ACSF3: variants seen among roughly 807,000 people sequenced by gnomAD.
The protein encoded by ACSF3 is malonate--CoA ligase ACSF3, mitochondrial.
A neutral mutation model predicts 53.2 loss-of-function variants in ACSF3; 78 were observed. The ratio of observed to expected loss-of-function variants is 1.47; its 90% CI spans 1.22 to 1.77. ACSF3 has a LOEUF of 1.77. ACSF3 is among the 40% of genes most tolerant of loss of function. The probability of loss-of-function intolerance (pLI) is 0.00; values close to 1 mark genes in which losing one functional copy is unlikely to be tolerated. For missense variants in ACSF3, 937 were observed against 771.1 expected, an observed-to-expected ratio of 1.22 and a Z score of -2.55; for synonymous variants, 414 against 333.1, an observed-to-expected ratio of 1.24 and a Z score of -2.65.
At chr16:89,149,507 T>C (rs1913716345) in intron 10 of ACSF3, 1 of 150,456 alleles carries the variant, frequency 6.6e-6, no homozygotes. Context: ...ATGCTTGGCT[T>C]ATGCACTGGC....
intron 8 of ACSF3, among the ~76,000 whole-genome samples, chr16:89,133,944 C>T: frequency 6.6e-6 from 1 of 152,198 alleles, no homozygotes; most frequent in Non-Finnish European, 1.5e-5. Flanking sequence ...CCTGCTCTCC[C>T]TGAGCCTGCC....
chr16:89,134,074 G>T (rs374242375), intron 8 of ACSF3, among the ~76,000 whole-genome samples: 2 of 152,236 alleles, frequency 1.3e-5, no homozygotes, highest in African/African-American at 4.8e-5. Flanking sequence ...GATAGTGGAC[G>T]TATATGGATG....
intron 7 of ACSF3, among the ~76,000 whole-genome samples, chr16:89,126,521 G>C (rs548790761): frequency 2.0e-5 from 3 of 152,092 alleles, no homozygotes; most frequent in African/African-American, 7.2e-5. Context: ...TGCCCGCCTC[G>C]GCCTCCCAAG....
At chr16:89,142,556 C>G (rs144040443) in intron 8 of ACSF3, among the ~76,000 whole-genome samples, 3,305 of 150,956 alleles carry the variant, frequency 0.022, 90 homozygotes, top group East Asian at 0.12. Context: ...TGCAGACACA[C>G]CCACACCTGC....
In ACSF3 at chr16:89,133,293, A is replaced by AC. The variant is rs771104684; in HGVS notation, c.1366+35dup. The AC allele has an allele frequency of 2.5e-6, 4 of 1,613,396 alleles. No homozygotes were observed. In the South Asian group the frequency reaches 3.3e-5, roughly 13 times the overall value. Reference sequence around the variant, plus strand: ...ACCCAGCCCCATGGGAGTGGAGGAGACCCCGAGGGGACAGGCAGGAACTCA... The same window carrying AC: ...ACCCAGCCCCATGGGAGTGGAGGAGACCCCCGAGGGGACAGGCAGGAACTCA... On this transcript the variant is annotated intron_variant, in intron 8 of 10. Transcript: ENST00000614302.
At chr16:89,108,866 C>G (rs910320077) in intron 4 of ACSF3, among the ~76,000 whole-genome samples, 16 of 152,156 alleles carry the variant, frequency 1.1e-4, no homozygotes, top group Non-Finnish European at 1.8e-4. Flanking sequence ...TGTAGACATT[C>G]ATTCATCTTA....
In ACSF3 at chr16:89,120,940, G is replaced by T. The variant is rs373120300; in HGVS notation, c.1239+27G>T. ...TAAGCCACTCTGCTCTTGGCAGGTG[G>T]GCGGCCGTGTGTCCAGTCTAGGCCC... On this transcript the variant is annotated intron_variant, in intron 7 of 10. Transcript: ENST00000614302. 6.2e-6 allele frequency: 10 copies of T among 1,604,942 alleles called. No homozygotes were observed. The African/African-American group carries it at 1.2e-4, about 19-fold the overall frequency.
chr16:89,100,616 G>A, intron 2 of ACSF3, 46 bp from the exon 3 acceptor site: 1 of 1,541,252 alleles, frequency 6.5e-7, no homozygotes, highest in South Asian at 1.1e-5. Flanking sequence ...GCCACGTTTG[G>A]ATGGGACAGT....
chr16:89,094,224 A>G (rs1974343541), intron 1 of ACSF3, among the ~76,000 whole-genome samples: 2 of 151,524 alleles, frequency 1.3e-5, no homozygotes. Flanking sequence ...CGGGGAGAGA[A>G]GCTGTGCGGA....
chr16:89,096,021 C>T (rs1974576395), intron 1 of ACSF3, among the ~76,000 whole-genome samples: 5 of 152,162 alleles, frequency 3.3e-5, no homozygotes, highest in Admixed American at 2.0e-4. Flanking sequence ...GTGGTCTGAT[C>T]TCAGAACCTG....
chr16:89,107,564 G>A (rs951714899), intron 4 of ACSF3, among the ~76,000 whole-genome samples: 4 of 152,208 alleles, frequency 2.6e-5, no homozygotes, highest in African/African-American at 9.6e-5. Context: ...TTCTTTTTAC[G>A]TTGCTGTGTT....
Position 89,114,333 on chromosome 16 carries a change from G to A in ACSF3, c.978-6G>A, listed in dbSNP as rs377217672. Reference sequence around the variant, plus strand: ...GGCTAAACCTGCCTTTGGTTGTGCCGCGTAGGCTGATGGTCTCAGGCTCAG... The same window carrying A: ...GGCTAAACCTGCCTTTGGTTGTGCCACGTAGGCTGATGGTCTCAGGCTCAG... On this transcript the variant is annotated splice_region_variant and splice_polypyrimidine_tract_variant and intron_variant, in intron 5 of 10. Coordinates refer to ENST00000614302, the MANE Select transcript of ACSF3 (RefSeq NM_001243279.3). 94 of 1,613,914 alleles carry A rather than the reference G, an allele frequency of 5.8e-5. No homozygotes were observed. In the African/African-American group the frequency reaches 9.3e-4, roughly 16 times the overall value.
chr16:89,105,326 T>C (rs1474073096), intron 4 of ACSF3, among the ~76,000 whole-genome samples: 1 of 152,058 alleles, frequency 6.6e-6, no homozygotes, highest in Non-Finnish European at 1.5e-5. Flanking sequence ...GGGATCTGGC[T>C]CAGTGACCCG....
intron 4 of ACSF3, 125 bp downstream of exon 4, chr16:89,102,884 C>A: frequency 7.2e-7 from 1 of 1,382,894 alleles, no homozygotes; most frequent in Non-Finnish European, 1.0e-6. Flanking sequence ...GGGCTCTCGG[C>A]CGCGCCCTCA....
In ACSF3 at chr16:89,093,858, C is replaced by T; in HGVS notation, c.-332C>T. 1 of 273,946 alleles carries T rather than the reference C, an allele frequency of 3.7e-6. No homozygotes were observed. The highest frequency in any genetic ancestry group is 2.9e-5 in the South Asian group (1 of 33,976). The allele number at this position is 273,946 out of a possible 1,614,324, so 17.0% of individuals were successfully genotyped here. A position where few individuals can be genotyped will look rare whatever the true frequency, so the allele number is the denominator to read the frequency against. On this transcript the variant is annotated 5_prime_UTR_variant, in exon 1 of 11. Transcript: ENST00000614302. ...GCGCCGCGCCGGGGAAGCTGTTGGG[C>T]GCCGGAACTGGTCCGGCCCGACTCA...
chr16:89,105,943 G>A (rs1446268412), intron 4 of ACSF3, among the ~76,000 whole-genome samples: 1 of 152,222 alleles, frequency 6.6e-6, no homozygotes, highest in African/African-American at 2.4e-5. Flanking sequence ...GGGCTTTCTG[G>A]TCTTGCTGCT....
intron 7 of ACSF3, among the ~76,000 whole-genome samples, chr16:89,126,667 CT>C: frequency 6.6e-6 from 1 of 152,154 alleles, no homozygotes; most frequent in East Asian, 1.9e-4. Flanking sequence ...TAGTTGTTAC[CT>C]TGCTAAATTA....
chr16:89,123,658 C>G (rs1234379263), intron 7 of ACSF3, among the ~76,000 whole-genome samples: 1 of 152,204 alleles, frequency 6.6e-6, no homozygotes. Flanking sequence ...AGATGATCAG[C>G]CAGGCCTTCA....
chr16:89,147,692 C>G (rs1249915418), intron 10 of ACSF3: 2 of 152,178 alleles, frequency 1.3e-5, no homozygotes, highest in Admixed American at 1.3e-4. Context: ...TCACCTCCCA[C>G]CAGGTCGCTC....
Sources: gnomAD v4.1 joint callset for allele counts (sites outside exome capture counted in the v4.1 genomes callset) on GRCh38, gnomAD v4.1.1 for gene constraint, MANE v1.5 for transcripts, NCBI Gene and HGNC (gene_info 2026-07-23, HGNC 2026-07-21) for gene names.